Variants in KAZN observed in about 807,000 individuals in gnomAD.
KAZN encodes kazrin, periplakin interacting protein, also known as kazrin.
Under a neutral mutation model 87.4 loss-of-function variants are expected in KAZN, and 40 were observed. The observed-to-expected ratio is 0.46, with a 90% CI of 0.36 to 0.60. The LOEUF (loss-of-function observed/expected upper bound fraction) is 0.60, where lower values mean the gene tolerates loss of function less well. Among genes scored for constraint, KAZN ranks in the 20% least tolerant of loss-of-function variants. The pLI is 0.00. For missense variants in KAZN, 898 were observed against 1,073.9 expected (o/e 0.84, Z 2.29); for synonymous variants, 466 against 458.3 (o/e 1.02, Z -0.22).
intron 2 of KAZN, among the ~76,000 whole-genome samples, chr1:14,990,349 A>C (rs2101947216): frequency 6.6e-6 from 1 of 152,240 alleles, no homozygotes; most frequent in East Asian, 1.9e-4. Flanking sequence ...CAGCCTCCCG[A>C]GTAGCTAGGA....
chr1:14,291,285 C>A (rs976347081), intron 2 of KAZN, among the ~76,000 whole-genome samples: 10 of 152,168 alleles, frequency 6.6e-5, no homozygotes, highest in Non-Finnish European at 2.9e-5. Flanking sequence ...TGCCCTGCCC[C>A]CAGAGGTGGA....
chr1:14,858,901 A>T (rs1326784357), intron 1 of KAZN, among the ~76,000 whole-genome samples: 1 of 152,166 alleles, frequency 6.6e-6, no homozygotes, highest in Non-Finnish European at 1.5e-5. Context: ...GATCCATGAG[A>T]TAAAATTTCT....
intron 1 of KAZN, among the ~76,000 whole-genome samples, chr1:14,955,520 T>A (rs1662982706): frequency 6.6e-6 from 1 of 152,222 alleles, no homozygotes. Context: ...CAAGCTCCGA[T>A]AAGCCTCTCT....
chr1:14,660,541 CTTTTTTT>C (rs1156503750), intron 1 of KAZN, among the ~76,000 whole-genome samples: 51 of 76,036 alleles, frequency 6.7e-4, no homozygotes, highest in South Asian at 1.6e-3. Flanking sequence ...CTCTCTCTCT[CTTTTTTT>C]TTTTTTTTTT....
intron 1 of KAZN, among the ~76,000 whole-genome samples, chr1:13,961,106 C>T (rs1452115637): frequency 6.6e-6 from 1 of 152,132 alleles, no homozygotes; most frequent in Non-Finnish European, 1.5e-5. Flanking sequence ...CTTTTTCCCA[C>T]CTCCCTTTTC....
chr1:14,342,136 T>G (rs1230972076), intron 2 of KAZN, among the ~76,000 whole-genome samples: 1 of 152,212 alleles, frequency 6.6e-6, no homozygotes, highest in East Asian at 1.9e-4. Flanking sequence ...TCTAGCTCCA[T>G]CCATGTCCCT....
At chr1:14,449,961 C>T (rs1444602101) in intron 2 of KAZN, among the ~76,000 whole-genome samples, 1 of 151,986 alleles carries the variant, frequency 6.6e-6, no homozygotes, top group African/African-American at 2.4e-5. Flanking sequence ...GGAATTTTAC[C>T]CAGTTTTTAA....
chr1:14,194,204 C>G (rs944783318), intron 2 of KAZN, among the ~76,000 whole-genome samples: 1 of 152,090 alleles, frequency 6.6e-6, no homozygotes, highest in Non-Finnish European at 1.5e-5. Flanking sequence ...TTAGAGGACG[C>G]ATGGGGGCAA....
intron 1 of KAZN, among the ~76,000 whole-genome samples, chr1:13,898,676 TC>T: frequency 6.6e-6 from 1 of 152,260 alleles, no homozygotes; most frequent in South Asian, 2.1e-4. Flanking sequence ...CCTGCAAGGC[TC>T]CTTGTTTGCA....
intron 2 of KAZN, among the ~76,000 whole-genome samples, chr1:14,413,007 TATA>T (rs934208573): frequency 6.7e-6 from 1 of 148,440 alleles, no homozygotes; most frequent in Non-Finnish European, 1.5e-5. Context: ...TATAAATATA[TATA>T]ATAAGTTATT....
At chr1:14,458,974 TGAA>T (rs1235105370) in intron 2 of KAZN, among the ~76,000 whole-genome samples, 2 of 152,158 alleles carry the variant, frequency 1.3e-5, no homozygotes, top group Non-Finnish European at 2.9e-5. Context: ...AATCTCAACT[TGAA>T]GAAGAGGGAA....
intron 2 of KAZN, among the ~76,000 whole-genome samples, chr1:14,378,249 TATTA>T (rs564818851): frequency 1.4e-3 from 214 of 152,310 alleles, no homozygotes; most frequent in African/African-American, 4.9e-3. Flanking sequence ...AAACTTCAAT[TATTA>T]ATTCTTACTA....
chr1:14,614,492 G>A (rs886783291), intron 1 of KAZN, among the ~76,000 whole-genome samples: 1 of 152,246 alleles, frequency 6.6e-6, no homozygotes, highest in Non-Finnish European at 1.5e-5. Context: ...AAGGATGAGA[G>A]CTCTGCAGCA....
intron 2 of KAZN, among the ~76,000 whole-genome samples, chr1:14,992,985 T>G (rs974397708): frequency 1.6e-5 from 2 of 127,378 alleles, no homozygotes; most frequent in African/African-American, 3.6e-5. Context: ...GTATATTTTT[T>G]TACCACAATT....
At chr1:14,629,684 G>GA (rs1230659432) in intron 1 of KAZN, among the ~76,000 whole-genome samples, 2 of 152,108 alleles carry the variant, frequency 1.3e-5, no homozygotes, top group African/African-American at 2.4e-5. Flanking sequence ...TAATCTTTGG[G>GA]AAAAAAGTAC....
chr1:14,154,866 C>T (rs1645555122), intron 1 of KAZN, among the ~76,000 whole-genome samples: 1 of 152,052 alleles, frequency 6.6e-6, no homozygotes, highest in South Asian at 2.1e-4. Flanking sequence ...GATGAATGAT[C>T]TTTTTCATAT....
At chr1:14,454,003 C>T (rs909437245) in intron 2 of KAZN, among the ~76,000 whole-genome samples, 2 of 152,108 alleles carry the variant, frequency 1.3e-5, no homozygotes, top group Non-Finnish European at 2.9e-5. Context: ...ATTTTTAGGA[C>T]AATATTATAG....
At chr1:14,430,469 G>A (rs757924688) in intron 2 of KAZN, among the ~76,000 whole-genome samples, 4 of 152,148 alleles carry the variant, frequency 2.6e-5, no homozygotes, top group Non-Finnish European at 5.9e-5. Context: ...ACACCACCCT[G>A]CCCCTGGGTC....
intron 12 of KAZN, 80 bp downstream of exon 12, chr1:15,103,540 A>C: frequency 2.2e-6 from 2 of 889,772 alleles, no homozygotes; most frequent in Non-Finnish European, 3.7e-6. Flanking sequence ...TCAATATGCA[A>C]ATCACATGCA....
Sources: allele counts gnomAD v4.1 joint callset (sites outside exome capture counted in the v4.1 genomes callset), GRCh38; gene constraint gnomAD v4.1.1; transcripts MANE v1.5; gene names NCBI Gene and HGNC (gene_info 2026-07-23, HGNC 2026-07-21).